GRIN1: variants seen among roughly 807,000 people sequenced by gnomAD.
The protein encoded by GRIN1 is glutamate ionotropic receptor NMDA type subunit 1, also known as glutamate receptor ionotropic, NMDA 1.
A neutral mutation model predicts 103.0 loss-of-function variants in GRIN1; 38 were observed. The observed-to-expected ratio is 0.37, with a 90% CI of 0.28 to 0.48. GRIN1 has a LOEUF of 0.48. GRIN1 is among the 20% of genes least tolerant of loss of function. The probability of loss-of-function intolerance (pLI) is 0.98; values close to 1 mark genes in which losing one functional copy is unlikely to be tolerated. For missense variants in GRIN1, 577 were observed against 1,288.9 expected, an observed-to-expected ratio of 0.45 and a Z score of 8.46; for synonymous variants, 544 against 532.7, an observed-to-expected ratio of 1.02 and a Z score of -0.29.
In GRIN1 at chr9:137,161,002, G is replaced by T; in HGVS notation, c.1198-54G>T. On this transcript the variant is annotated intron_variant, in intron 8 of 19. Coordinates refer to ENST00000371561, the MANE Select transcript of GRIN1 (RefSeq NM_007327.4). The stretch of plus-strand genomic sequence containing the variant: ...GGCTGGGAGCTGAGAAGAGACTGCC[G>T]CCCTGGGCAGCCTTAGGTCGGTGGT... 3 of 1,610,252 alleles carry T rather than the reference G, an allele frequency of 1.9e-6. No homozygotes were observed. In the South Asian group the frequency reaches 3.3e-5, roughly 18 times the overall value.
chr9:137,147,991 C>T (rs541606057), intron 3 of GRIN1, among the ~76,000 whole-genome samples: 5 of 152,224 alleles, frequency 3.3e-5, no homozygotes, highest in Admixed American at 2.0e-4. Flanking sequence ...TCCACCCCGG[C>T]CCCCAGCCCC....
chr9:137,159,067 C>T (rs1196641139), intron 8 of GRIN1, among the ~76,000 whole-genome samples: 1 of 152,108 alleles, frequency 6.6e-6, no homozygotes, highest in Admixed American at 6.5e-5. Context: ...TCCTCCACAC[C>T]CCTCATCCCT....
At position 137,164,150 on chromosome 9, in the gene GRIN1, C is replaced by T. The variant is rs75957780; in HGVS notation, c.2589+246C>T. ...GGCCACGCACCCTGCTCCAAGCCTC[C>T]GCCTGGCCCCTCTGTCTCCAGAGTC... is the stretch of plus-strand genomic sequence containing the variant. On this transcript the variant is annotated intron_variant, in intron 18 of 19. Coordinates refer to ENST00000371561, the MANE Select transcript of GRIN1 (RefSeq NM_007327.4). 76 of 558,702 alleles carry T rather than the reference C, an allele frequency of 1.4e-4. No homozygotes were observed. The East Asian group carries it at 2.1e-3, about 15-fold the overall frequency. The allele number at this position is 558,702 out of a possible 1,614,324, so 34.6% of individuals were successfully genotyped here.
Position 137,139,804 on chromosome 9 carries a change from C to T in GRIN1, c.258+60C>T. On this transcript the variant is annotated intron_variant, in intron 1 of 19. Coordinates refer to ENST00000371561, the MANE Select transcript of GRIN1 (RefSeq NM_007327.4). The surrounding 1 kb of genome is among the most constrained non-coding windows in gnomAD (Gnocchi z 7.7). ...CTCCTCCATCCTGCAACCCCACACC[C>T]CCAGTTTCATTCCATCCTTTCCGTG... 2 of 1,311,202 alleles carry T rather than the reference C, an allele frequency of 1.5e-6. No homozygotes were observed. Among genetic ancestry groups the T allele is most frequent in the Middle Eastern group, 1.8e-4 (1 of 5,464 alleles). 81.2% of individuals were successfully genotyped at this position (1,311,202 alleles called of 1,614,324 possible).
chr9:137,158,258 G>C, intron 6 of GRIN1, 121 bp from the exon 7 acceptor site: 1 of 1,128,282 alleles, frequency 8.9e-7, no homozygotes, highest in Non-Finnish European at 1.3e-6. Flanking sequence ...TCAGCCGGCA[G>C]GAGAAGGAGC....
chr9:137,139,360 C>T lies in GRIN1; in HGVS notation c.-127C>T, dbSNP rs1449807299. The T allele has an allele frequency of 2.0e-6, 1 of 504,340 alleles. No homozygotes were observed. The highest frequency in any genetic ancestry group is 2.9e-6 in the Non-Finnish European group (1 of 346,872). 31.2% of individuals were successfully genotyped at this position (504,340 alleles called of 1,614,324 possible). A position where few individuals can be genotyped will look rare whatever the true frequency, so the allele number is the denominator to read the frequency against. On this transcript the variant is annotated 5_prime_UTR_variant, in exon 1 of 20. Transcript: ENST00000371561. The surrounding 1 kb of genome is among the most constrained non-coding windows in gnomAD (Gnocchi z 7.7). ...CGGCCGACGTCCCGGGACCGCCGCT[C>T]CGGGGGAGACGTGGCGTCCGCAGCC...
At chr9:137,165,041 C>T (rs1241209257) in intron 18 of GRIN1, 145 bp from the exon 19 acceptor site, 9 of 734,080 alleles carry the variant, frequency 1.2e-5, no homozygotes, top group Admixed American at 1.8e-5. Context: ...CGTCCGCTGT[C>T]GGCCCGTCTG....
At position 137,154,432 on chromosome 9, in the gene GRIN1, C is replaced by CTTTTTT. The variant is rs543160973; in HGVS notation, c.672-2203_672-2198dup. Among the ~76,000 whole-genome samples the CTTTTTT allele has an allele frequency of 8.1e-4, 35 of 43,010 alleles. 3 individuals carry two copies. The highest frequency in any genetic ancestry group is 1.3e-3 in the Non-Finnish European group (31 of 24,014). 28.2% of individuals were successfully genotyped at this position (43,010 alleles called of 152,430 possible). On this transcript the variant is annotated intron_variant, in intron 4 of 19. Transcript: ENST00000371561. ...CAGCCACCACCCCCAGCTCCAACAACTTTTTTTTTTTTTTTTTTTTTTTTT... is the reference window on the plus strand; with the variant it reads ...CAGCCACCACCCCCAGCTCCAACAACTTTTTTTTTTTTTTTTTTTTTTTTTTTTTTT...
At chr9:137,151,211 A>G (rs1485429490) in intron 4 of GRIN1, among the ~76,000 whole-genome samples, 2 of 145,030 alleles carry the variant, frequency 1.4e-5, no homozygotes, top group Admixed American at 6.8e-5. Context: ...CCCGCCCAGA[A>G]AAAAGTCGCG....
At chr9:137,162,112 G>T in intron 11 of GRIN1, 24 bp downstream of exon 11, 2 of 1,523,570 alleles carry the variant, frequency 1.3e-6, no homozygotes, top group Non-Finnish European at 8.9e-7. Flanking sequence ...GGGTGGCGGG[G>T]TGGCGGCGGG....
chr9:137,165,714 G>A lies in GRIN1; in HGVS notation c.2700+418G>A, dbSNP rs997840581. Among the ~76,000 whole-genome samples, 5 of 152,310 alleles carry A rather than the reference G, an allele frequency of 3.3e-5. No individual in the cohort carries two copies. The East Asian group carries it at 9.7e-4, about 29-fold the overall frequency. ...TCTCTGTTATGTCCCCGTTTCTCTC[G>A]CCTCTCCCAGAGGGGCCCGCCGCCC... On this transcript the variant is annotated intron_variant, in intron 19 of 19. Transcript: ENST00000371561.
chr9:137,157,392 C>T (rs1384401138), intron 6 of GRIN1, among the ~76,000 whole-genome samples: 2 of 152,198 alleles, frequency 1.3e-5, no homozygotes, highest in African/African-American at 4.8e-5. Context: ...ATCATCTGCC[C>T]TCTTCTCAAC....
chr9:137,152,124 C>T (rs897082611), intron 4 of GRIN1, among the ~76,000 whole-genome samples: 5 of 152,048 alleles, frequency 3.3e-5, no homozygotes, highest in African/African-American at 1.2e-4. Flanking sequence ...GCCAGGATGG[C>T]CTCAATCTTC....
chr9:137,168,423 CGA>C lies in GRIN1; in HGVS notation c.*900_*901del. 5.2e-6 allele frequency: 1 copy of C among 192,754 alleles called. No individual in the cohort carries two copies. Among genetic ancestry groups the C allele is most frequent in the South Asian group, 1.2e-4 (1 of 8,524 alleles). 11.9% of individuals were successfully genotyped at this position (192,754 alleles called of 1,614,324 possible). A position where few individuals can be genotyped will look rare whatever the true frequency, so the allele number is the denominator to read the frequency against. On this transcript the variant is annotated 3_prime_UTR_variant, in exon 20 of 20. Coordinates refer to ENST00000371561, the MANE Select transcript of GRIN1 (RefSeq NM_007327.4). ...CGCCTCGGGCCGCCTCCTCCAGACT[CGA>C]GAGGGCTGAGCCCCTCCTCTCCTCG...
Position 137,149,018 on chromosome 9 carries a change from G to T in GRIN1, c.580G>T (p.Val194Leu). Residue 194 changes from valine to leucine, a missense_variant, in exon 4 of 20, where the codon GTG becomes TTG. Val to Leu is a conservative substitution (Grantham distance 32). Transcript: ENST00000371561. ...CTTGCTCACACCGCAGGCAGAGAAGGTGCTGCAGTTTGACCCAGGGACCAA... is the reference window on the plus strand; with the variant it reads ...CTTGCTCACACCGCAGGCAGAGAAGTTGCTGCAGTTTGACCCAGGGACCAA... ...LEERESKAEK[V>L]LQFDPGTKNV... 2 of 1,611,830 alleles carry T rather than the reference G, an allele frequency of 1.2e-6. No homozygotes were observed. Among genetic ancestry groups the T allele is most frequent in the Non-Finnish European group, 1.7e-6 (2 of 1,178,346 alleles).
intron 4 of GRIN1, among the ~76,000 whole-genome samples, chr9:137,151,529 T>G (rs1248031257): frequency 7.5e-6 from 1 of 133,576 alleles, no homozygotes; most frequent in Non-Finnish European, 1.6e-5. Flanking sequence ...CTTAGAGAAA[T>G]TCCCACTCAG....
chr9:137,163,732 A>G (rs201384959), intron 17 of GRIN1, 27 bp from the exon 18 acceptor site: 20 of 1,613,584 alleles, frequency 1.2e-5, no homozygotes, highest in Middle Eastern at 1.6e-4. Flanking sequence ...CTGGCCAGCA[A>G]CTGAGGCTCT....
chr9:137,152,199 C>CTCAGCCTGTTCA (rs1832955558), intron 4 of GRIN1, among the ~76,000 whole-genome samples: 1 of 152,106 alleles, frequency 6.6e-6, no homozygotes, highest in Non-Finnish European at 1.5e-5. Flanking sequence ...AGCCACCGTG[C>CTCAGCCTGTTCA]CCAGCCACTT....
At chr9:137,163,475 G>A in intron 16 of GRIN1, 84 bp from the exon 17 acceptor site, 6 of 1,355,578 alleles carry the variant, frequency 4.4e-6, no homozygotes, top group Non-Finnish European at 6.3e-6. Flanking sequence ...CTACCCCGCA[G>A]GCCCCGCCCC....
Sources: gnomAD v4.1 joint callset for allele counts (sites outside exome capture counted in the v4.1 genomes callset) on GRCh38, gnomAD v4.1.1 for gene constraint, Gnocchi (gnomAD v3.1) non-coding constraint, MANE v1.5 for transcripts, NCBI Gene and HGNC (gene_info 2026-07-23, HGNC 2026-07-21) for gene names.